The following FRYL variants were observed in gnomAD, a reference collection of about 807,000 sequenced individuals.
FRYL encodes protein furry homolog-like.
FRYL carries 150 observed loss-of-function variants against 351.2 expected under a neutral mutation model. The ratio of observed to expected loss-of-function variants is 0.43; its 90% CI spans 0.37 to 0.49. The LOEUF is 0.49. Ranked by LOEUF, FRYL falls within the 20% of genes least tolerant of loss-of-function variation. FRYL has a pLI of 0.00. For missense variants in FRYL, 3,036 were observed against 3,619.3 expected, an observed-to-expected ratio of 0.84 and a Z score of 4.13; for synonymous variants, 1,153 against 1,257.1, an observed-to-expected ratio of 0.92 and a Z score of 1.75.
intron 32 of FRYL, 94 bp downstream of exon 32, chr4:48,562,795 A>G: frequency 2.8e-6 from 2 of 718,162 alleles, no homozygotes; most frequent in Non-Finnish European, 4.9e-6. Context: ...ATAAAGCTAA[A>G]TACTATTATC....
chr4:48,726,717 A>G (rs1348499958), intron 1 of FRYL, among the ~76,000 whole-genome samples: 1 of 152,132 alleles, frequency 6.6e-6, no homozygotes, highest in African/African-American at 2.4e-5. Context: ...AAACTTCCAC[A>G]GATGCATTTA....
intron 1 of FRYL, among the ~76,000 whole-genome samples, chr4:48,718,546 A>G (rs1180168565): frequency 1.3e-5 from 2 of 151,542 alleles, no homozygotes; most frequent in African/African-American, 4.8e-5. Flanking sequence ...GTCACACTCT[A>G]AAGTGTGAAA....
intron 1 of FRYL, among the ~76,000 whole-genome samples, chr4:48,751,944 C>T (rs1455752594): frequency 6.6e-6 from 1 of 152,042 alleles, no homozygotes; most frequent in East Asian, 1.9e-4. Flanking sequence ...CTGAAAATCC[C>T]ATTCTCCTTT....
chr4:48,570,797 G>T, intron 27 of FRYL, 30 bp downstream of exon 27: 1 of 1,475,326 alleles, frequency 6.8e-7, no homozygotes, highest in South Asian at 1.1e-5. Context: ...GATCATTCCA[G>T]AGTTTTAACA....
intron 3 of FRYL, among the ~76,000 whole-genome samples, chr4:48,663,774 C>CA (rs71191251): frequency 0.085 from 5,925 of 69,594 alleles, 660 homozygotes; most frequent in East Asian, 0.25. Context: ...GACTCCGTCT[C>CA]AAAAAAAAAA....
intron 7 of FRYL, among the ~76,000 whole-genome samples, chr4:48,610,917 T>C (rs1748043145): frequency 1.3e-5 from 2 of 151,520 alleles, no homozygotes; most frequent in Admixed American, 1.3e-4. Flanking sequence ...AATGAACATT[T>C]CAATTCAGAT....
intron 36 of FRYL, among the ~76,000 whole-genome samples, chr4:48,553,009 C>T (rs1166139699): frequency 6.6e-6 from 1 of 151,928 alleles, no homozygotes; most frequent in African/African-American, 2.4e-5. Flanking sequence ...CATTTAAAGA[C>T]ACAATAAACT....
At chr4:48,523,337 G>A (rs1339245106) in intron 53 of FRYL, among the ~76,000 whole-genome samples, 2 of 152,028 alleles carry the variant, frequency 1.3e-5, no homozygotes, top group East Asian at 3.9e-4. Flanking sequence ...TAATTTTCTT[G>A]ACTTTCTATC....
intron 3 of FRYL, among the ~76,000 whole-genome samples, chr4:48,667,533 T>C (rs988646662): frequency 1.3e-5 from 2 of 151,962 alleles, no homozygotes; most frequent in African/African-American, 2.4e-5. Flanking sequence ...AGCAATATAG[T>C]AGGATCTCAA....
At chr4:48,609,885 T>A (rs1333623746) in intron 7 of FRYL, 62 bp from the exon 8 acceptor site, 1 of 731,746 alleles carries the variant, frequency 1.4e-6, no homozygotes, top group East Asian at 2.9e-5. Flanking sequence ...AGTATTCTCA[T>A]CAATTCAACT....
chr4:48,577,978 T>C lies in FRYL; in HGVS notation c.2528+995A>G, dbSNP rs536072126. Among the ~76,000 whole-genome samples, 26 of 151,058 alleles carry C rather than the reference T, an allele frequency of 1.7e-4. No homozygotes were observed. In the South Asian group the frequency reaches 5.2e-3, roughly 30 times the overall value. On this transcript the variant is annotated intron_variant, in intron 23 of 63. Coordinates refer to ENST00000358350, the MANE Select transcript of FRYL (RefSeq NM_015030.2). ...ATTAGCATGTATATGTAGAAATATA[T>C]ATACATATATATATATTCAAATCCA...
In FRYL at chr4:48,655,149, T is replaced by G. The variant is rs138475023; in HGVS notation, c.-80-20659A>C. On this transcript the variant is annotated intron_variant, in intron 3 of 63. Coordinates refer to ENST00000358350, the MANE Select transcript of FRYL (RefSeq NM_015030.2). ...ATTATGGGAAATTCATTAAGAGATA[T>G]TCAGTGGTAGTGGTATTTTTTGGAA... 3.1e-3 allele frequency among the ~76,000 whole-genome samples: 477 copies of G among 152,314 alleles called. 3 individuals carry two copies. Among genetic ancestry groups the G allele is most frequent in the Middle Eastern group, 0.031 (9 of 294 alleles).
Position 48,499,668 on chromosome 4 carries a change from G to A in FRYL, c.8796C>T (p.Pro2932=). 6.2e-7 allele frequency: 1 copy of A among 1,613,498 alleles called. No individual in the cohort carries two copies. Among genetic ancestry groups the A allele is most frequent in the African/African-American group, 1.3e-5 (1 of 75,010 alleles). ...CTTCACAACTGCCAAAGATATCACTGGGCCAGAGAGATCTGAAAATACACA... is the reference window on the plus strand; with the variant it reads ...CTTCACAACTGCCAAAGATATCACTAGGCCAGAGAGATCTGAAAATACACA... ...AQVKAFRSLW[P]SDIFGSCEDD... The change falls in exon 64 of 64, where the codon CCC becomes CCT. Residue 2932 remains proline, a synonymous_variant. Coordinates refer to ENST00000358350, the MANE Select transcript of FRYL (RefSeq NM_015030.2).
intron 1 of FRYL, among the ~76,000 whole-genome samples, chr4:48,712,085 G>T (rs569204957): frequency 9.9e-5 from 15 of 152,150 alleles, no homozygotes; most frequent in African/African-American, 3.6e-4. Context: ...CATCATCAAA[G>T]ACCAAAAGTA....
chr4:48,530,441 T>G (rs1057109290), intron 50 of FRYL, among the ~76,000 whole-genome samples: 2 of 152,166 alleles, frequency 1.3e-5, no homozygotes, highest in Admixed American at 1.3e-4. Flanking sequence ...CCCTGCTCTA[T>G]TTTCTATCCT....
Position 48,548,778 on chromosome 4 carries a change from C to A in FRYL, c.4800G>T (p.Val1600=). The part of the protein sequence containing the change: ...GLPLHRCNIA[V]ILLTDLIIDH... ...CAATGATGAGATCAGTCAAAAGGATCACTGCTATGTTACACCTATGACAAA... is the reference window on the plus strand; with the variant it reads ...CAATGATGAGATCAGTCAAAAGGATAACTGCTATGTTACACCTATGACAAA... Residue 1600 remains valine, a synonymous_variant, in exon 40 of 64, where the codon GTG becomes GTT. Transcript: ENST00000358350. The A allele has an allele frequency of 6.2e-7, 1 of 1,604,790 alleles. No individual in the cohort carries two copies.
intron 1 of FRYL, among the ~76,000 whole-genome samples, chr4:48,733,145 G>A (rs1210543623): frequency 6.6e-6 from 1 of 151,718 alleles, no homozygotes; most frequent in Non-Finnish European, 1.5e-5. Context: ...CTTGGTGGTA[G>A]GCGCCTGTAA....
chr4:48,631,863 AC>A (rs1290413848), intron 4 of FRYL, among the ~76,000 whole-genome samples: 2 of 150,678 alleles, frequency 1.3e-5, no homozygotes, highest in Non-Finnish European at 3.0e-5. Flanking sequence ...GGAGTTTGAG[AC>A]CAGCTTGGGT....
chr4:48,560,014 A>C (rs1185124760), intron 33 of FRYL, among the ~76,000 whole-genome samples: 2 of 152,070 alleles, frequency 1.3e-5, no homozygotes, highest in Non-Finnish European at 2.9e-5. Context: ...GTGAAGATCT[A>C]AGGCATGCAG....
Sources: allele counts gnomAD v4.1 joint callset (sites outside exome capture counted in the v4.1 genomes callset), GRCh38; gene constraint gnomAD v4.1.1; transcripts MANE v1.5; gene names NCBI Gene and HGNC (gene_info 2026-07-23, HGNC 2026-07-21).